RNF123: variants seen among roughly 807,000 people sequenced by gnomAD.
RNF123 encodes ring finger protein 123.
A neutral mutation model predicts 168.5 loss-of-function variants in RNF123; 86 were observed. The observed-to-expected ratio is 0.51, with a 90% CI of 0.43 to 0.61. RNF123 has a LOEUF of 0.61. Ranked by LOEUF, RNF123 falls within the 20% of genes least tolerant of loss-of-function variation. RNF123 has a pLI of 0.00. For missense variants in RNF123, 1,419 were observed against 1,729.7 expected, an observed-to-expected ratio of 0.82 and a Z score of 3.19; for synonymous variants, 666 against 689.1, an observed-to-expected ratio of 0.97 and a Z score of 0.52.
intron 35 of RNF123, chr3:49,718,584 C>T: frequency 6.2e-7 from 1 of 1,613,060 alleles, no homozygotes; most frequent in Non-Finnish European, 8.5e-7. Context: ...GCCTCAGGGA[C>T]CGACCCACCA....
intron 3 of RNF123, among the ~76,000 whole-genome samples, chr3:49,693,595 G>A (rs1346154664): frequency 6.6e-6 from 1 of 151,944 alleles, no homozygotes; most frequent in African/African-American, 2.4e-5. Flanking sequence ...AGCCTCAGGT[G>A]ATCCTCCCAC....
intron 25 of RNF123, 121 bp from the exon 26 acceptor site, chr3:49,706,670 G>T: frequency 1.2e-6 from 1 of 803,846 alleles, no homozygotes; most frequent in South Asian, 1.6e-5. Flanking sequence ...TTTGAAAAAT[G>T]GAGCCCAATC....
chr3:49,708,518 G>A (rs1459689787), intron 26 of RNF123, among the ~76,000 whole-genome samples: 1 of 152,122 alleles, frequency 6.6e-6, no homozygotes, highest in Non-Finnish European at 1.5e-5. Context: ...ACCCCCAGCT[G>A]GGCCTTACTT....
At position 49,700,475 on chromosome 3, in the gene RNF123, T is replaced by C; in HGVS notation, c.1114T>C (p.Tyr372His). 6.2e-7 allele frequency: 1 copy of C among 1,614,074 alleles called. No homozygotes were observed. ...LDLLWLFMED[Y>H]EVQDCLKQLM... The stretch of plus-strand genomic sequence containing the variant: ...GCCTTGGCATCTCTTCCCCCAGGAC[T>C]ACGAGGTACAAGATTGCCTCAAGCA... The change falls in exon 14 of 39, where the codon TAC becomes CAC. Residue 372 changes from tyrosine (Y) to histidine (H), a missense_variant. By Grantham distance (83) the Tyr-to-His change is moderately conservative (BLOSUM62 2). Transcript: ENST00000327697.
Position 49,699,998 on chromosome 3 carries a change from A to G in RNF123, c.984+226A>G. Reference sequence around the variant, plus strand: ...TGTCCTGGAAAGAAGACTGAAGGATAATAACATCCCAGGCCAAGGAAACTG... The same window carrying G: ...TGTCCTGGAAAGAAGACTGAAGGATGATAACATCCCAGGCCAAGGAAACTG... On this transcript the variant is annotated intron_variant, in intron 12 of 38. Coordinates refer to ENST00000327697, the MANE Select transcript of RNF123 (RefSeq NM_022064.5). The surrounding 1 kb of genome is among the most constrained non-coding windows in gnomAD (Gnocchi z 4.8). 2.9e-6 allele frequency: 2 copies of G among 687,654 alleles called. No individual in the cohort carries two copies. The highest frequency in any genetic ancestry group is 5.5e-5 in the Admixed American group (2 of 36,192). 42.6% of individuals were successfully genotyped at this position (687,654 alleles called of 1,614,324 possible).
rs146552927 is a variant in RNF123, at chr3:49,713,958, C to T, written c.2886C>T (p.Pro962=). 7 of 1,613,954 alleles carry T rather than the reference C, an allele frequency of 4.3e-6. No homozygotes were observed. In the African/African-American group the frequency reaches 9.3e-5, roughly 22 times the overall value. ...TCCTGGCGCCCTATGAGCAGCGGCCCTGGGCCCAGACCAACTGGATCCTGG... is the reference window on the plus strand; with the variant it reads ...TCCTGGCGCCCTATGAGCAGCGGCCTTGGGCCCAGACCAACTGGATCCTGG... The part of the protein sequence containing the change: ...RNLLAPYEQR[P]WAQTNWILVR... Residue 962 remains proline, a synonymous_variant, in exon 30 of 39, where the codon CCC becomes CCT. Coordinates refer to ENST00000327697, the MANE Select transcript of RNF123 (RefSeq NM_022064.5).
rs201383686 is a variant in RNF123 at position 49,720,820 on chromosome 3, G to A, written c.3664G>A (p.Asp1222Asn). 19 of 1,614,190 alleles carry A rather than the reference G, an allele frequency of 1.2e-5. No homozygotes were observed. The highest frequency in any genetic ancestry group is 2.7e-5 in the African/African-American group (2 of 75,044). The change falls in exon 37 of 39, where the codon GAT becomes AAT. Residue 1222 changes from aspartate (D) to asparagine (N), a missense_variant. Transcript: ENST00000327697. ...CCCAGATGCGGATTATATCAGTGCC[G>A]ATGAGCTGGCCCAAGTGGAACAGAT... ...LQSYADYISA[D>N]ELAQVEQMLA...
intron 3 of RNF123, among the ~76,000 whole-genome samples, chr3:49,692,889 G>A (rs1472854737): frequency 6.6e-6 from 1 of 152,150 alleles, no homozygotes; most frequent in South Asian, 2.1e-4. Context: ...TGGACACTTA[G>A]ATTGCTTCCA....
chr3:49,702,289 C>G (rs1340166080), intron 18 of RNF123, 45 bp from the exon 19 acceptor site: 1 of 1,607,148 alleles, frequency 6.2e-7, no homozygotes, highest in Non-Finnish European at 8.5e-7. Context: ...CAGTCTGGGC[C>G]TGCATTCTCA....
intron 27 of RNF123, 132 bp downstream of exon 27, chr3:49,712,788 C>G: frequency 9.7e-7 from 1 of 1,034,926 alleles, no homozygotes; most frequent in Non-Finnish European, 1.5e-6. Context: ...GGAGCTTCCT[C>G]TGTGGTTCAC....
intron 26 of RNF123, 82 bp from the exon 27 acceptor site, chr3:49,712,397 C>T: frequency 1.4e-6 from 2 of 1,396,374 alleles, no homozygotes; most frequent in Non-Finnish European, 2.0e-6. Flanking sequence ...CCTGGGGAGG[C>T]CTTTCCTGAT....
At chr3:49,720,400 G>A in intron 35 of RNF123, 111 bp from the exon 36 acceptor site, 1 of 1,105,560 alleles carries the variant, frequency 9.0e-7, no homozygotes, top group South Asian at 2.1e-5. Context: ...CGGAAAGGAT[G>A]CAGGGGGGGT....
At position 49,691,216 on chromosome 3, in the gene RNF123, G is replaced by T; in HGVS notation, c.51G>T (p.Leu17=). ...CTTTCTCCCGCAAGAGCTATAGGCT[G>T]ACCTCAGATGCTGAGAAATCCAGGG... The part of the protein sequence containing the change: ...GMSFSRKSYR[L]TSDAEKSRVT... The change falls in exon 2 of 39, where the codon CTG becomes CTT. Residue 17 remains leucine, a synonymous_variant. Coordinates refer to ENST00000327697, the MANE Select transcript of RNF123 (RefSeq NM_022064.5). 6.2e-7 allele frequency: 1 copy of T among 1,613,984 alleles called. No homozygotes were observed. The highest frequency in any genetic ancestry group is 1.1e-5 in the South Asian group (1 of 91,066).
Position 49,708,765 on chromosome 3 carries a change from C to T in RNF123, c.2496+1867C>T, listed in dbSNP as rs1026982898. ...CCAGGCTGAATAATATTCTGTTGTA[C>T]GGACACCACATTTCATATATCCAGT... On this transcript the variant is annotated intron_variant, in intron 26 of 38. Coordinates refer to ENST00000327697, the MANE Select transcript of RNF123 (RefSeq NM_022064.5). 6.6e-5 allele frequency among the ~76,000 whole-genome samples: 10 copies of T among 152,112 alleles called. No homozygotes were observed. The East Asian group carries it at 1.3e-3, about 21-fold the overall frequency.
At chr3:49,698,310 C>A in intron 7 of RNF123, 130 bp from the exon 8 acceptor site, 2 of 947,016 alleles carry the variant, frequency 2.1e-6, no homozygotes, top group Non-Finnish European at 3.3e-6. Flanking sequence ...TCAGAGAATA[C>A]CTCTTACTCT....
chr3:49,721,124 TTGG>T lies in RNF123; in HGVS notation c.3824+26_3824+28del. 1 of 1,613,950 alleles carries T rather than the reference TTGG, an allele frequency of 6.2e-7. No homozygotes were observed. The highest frequency in any genetic ancestry group is 8.5e-7 in the Non-Finnish European group (1 of 1,179,880). On this transcript the variant is annotated intron_variant, in intron 38 of 38. Transcript: ENST00000327697. Reference sequence around the variant, plus strand: ...CCTGCAAGTAAGTGGGCCCCACAGCTTGGTGGTGGGGAGAGCAGTAGGTACATG... The same window carrying T: ...CCTGCAAGTAAGTGGGCCCCACAGCTTGGTGGGGAGAGCAGTAGGTACATG...
Position 49,714,193 on chromosome 3 carries a change from C to T in RNF123, c.3010+19C>T, listed in dbSNP as rs766971111. ...CTCCAGAGTGAGTATCTGGGTTGGG[C>T]GAGTCCTGGGCAAGGCAGGCGGGGG... On this transcript the variant is annotated intron_variant, in intron 31 of 38. Transcript: ENST00000327697. 9.3e-6 allele frequency: 15 copies of T among 1,612,534 alleles called. No individual in the cohort carries two copies. The highest frequency in any genetic ancestry group is 3.3e-5 in the South Asian group (3 of 91,060).
At chr3:49,710,671 A>G (rs932693103) in intron 26 of RNF123, among the ~76,000 whole-genome samples, 1 of 152,226 alleles carries the variant, frequency 6.6e-6, no homozygotes, top group African/African-American at 2.4e-5. Flanking sequence ...TTATAAAATC[A>G]TGTCTGTGAA....
chr3:49,691,281 T>G, intron 2 of RNF123, 34 bp downstream of exon 2: 1 of 1,605,246 alleles, frequency 6.2e-7, no homozygotes, highest in Non-Finnish European at 8.5e-7. Flanking sequence ...GAGGCTCCTC[T>G]TGTTGGGAGG....
Sources: allele counts gnomAD v4.1 joint callset (sites outside exome capture counted in the v4.1 genomes callset), GRCh38; gene constraint gnomAD v4.1.1; non-coding constraint Gnocchi (gnomAD v3.1); transcripts MANE v1.5; gene names NCBI Gene and HGNC (gene_info 2026-07-23, HGNC 2026-07-21).